C5: variants seen among roughly 807,000 people sequenced by gnomAD.
The protein encoded by C5 is C3 and PZP-like alpha-2-macroglobulin domain-containing protein 4.
Under a neutral mutation model 218.8 loss-of-function variants are expected in C5, and 140 were observed. That is an observed-to-expected ratio of 0.64 (90% CI 0.56 to 0.74). The LOEUF is 0.74. Among genes scored for constraint, C5 ranks in the 30% least tolerant of loss-of-function variants. The pLI, the probability that C5 is intolerant of heterozygous loss-of-function variation, is 0.00. For missense variants in C5, 1,700 were observed against 1,969.6 expected, an observed-to-expected ratio of 0.86 and a Z score of 2.59; for synonymous variants, 614 against 682.3, an observed-to-expected ratio of 0.90 and a Z score of 1.56.
chr9:121,020,039 A>G lies in C5; in HGVS notation c.1443T>C (p.His481=), dbSNP rs753751337. 6.2e-7 allele frequency: 1 copy of G among 1,612,740 alleles called. No individual in the cohort carries two copies. Among genetic ancestry groups the G allele is most frequent in the Non-Finnish European group, 8.5e-7 (1 of 1,178,840 alleles). Residue 481 remains histidine, a synonymous_variant, in exon 12 of 41, where the codon CAT becomes CAC. Coordinates refer to ENST00000223642, the MANE Select transcript of C5 (RefSeq NM_001735.3). ...TTTTGGGGGTAACAATAATATTCAG[A>G]TGTTCTCCCACTAGCAAAGCCTTAT... ...DNHKALLVGE[H]LNIIVTPKSP... is the part of the protein sequence containing the mutation.
At chr9:120,999,958 C>T in intron 20 of C5, 1 of 443,946 alleles carries the variant, frequency 2.3e-6, no homozygotes, top group Non-Finnish European at 4.5e-6. Context: ...ACTTGGGAGG[C>T]TGAGGCAGGA....
At chr9:121,037,992 C>A in intron 3 of C5, 41 bp from the exon 4 acceptor site, 1 of 925,014 alleles carries the variant, frequency 1.1e-6, no homozygotes, top group Non-Finnish European at 1.7e-6. Flanking sequence ...CTGCTAAAAA[C>A]AAGGATATTT....
intron 2 of C5, among the ~76,000 whole-genome samples, chr9:121,043,763 G>A (rs940620544): frequency 2.8e-5 from 4 of 144,504 alleles, no homozygotes; most frequent in Non-Finnish European, 6.0e-5. Context: ...GGCCAGGCTG[G>A]TCCTGAACTC....
chr9:121,002,248 A>ATATG, intron 20 of C5, among the ~76,000 whole-genome samples: 1 of 42,198 alleles, frequency 2.4e-5, no homozygotes, highest in African/African-American at 5.9e-5. Context: ...GTATATGTAT[A>ATATG]TATATGTATA....
chr9:120,993,485 T>G (rs1039064187), intron 22 of C5, among the ~76,000 whole-genome samples: 40 of 152,326 alleles, frequency 2.6e-4, no homozygotes, highest in African/African-American at 9.1e-4. Flanking sequence ...TGCAGTGGCG[T>G]GATCTTGGCT....
chr9:120,981,744 AAAG>A (rs2046995199), intron 27 of C5, 97 bp downstream of exon 27: 1 of 779,810 alleles, frequency 1.3e-6, no homozygotes, highest in South Asian at 1.5e-5. Context: ...GAAAGAAGGA[AAAG>A]AAGCTTTTGA....
rs1390824515 is a variant in C5, at chr9:121,015,193, C to G, written c.2059+6G>C. On this transcript the variant is annotated splice_donor_region_variant and intron_variant, in intron 16 of 40. Transcript: ENST00000223642. ...CCTTTTTACAATCACATGAATCTTA[C>G]AGTACCTATTTCTTCTATCTTCTTT... 2.5e-6 allele frequency: 4 copies of G among 1,576,940 alleles called. 1 individual carries two copies. The South Asian group carries it at 4.4e-5, about 17-fold the overall frequency.
In C5 at chr9:121,030,459, C is replaced by A. The variant is rs1479548278; in HGVS notation, c.696G>T (p.Glu232Asp). Residue 232 changes from glutamate (E) to aspartate (D), a missense_variant, in exon 7 of 41, where the codon GAG (glutamate) becomes GAT (aspartate). Transcript: ENST00000223642. ...TGTAACCAATGAAATTATATTCTGG[C>A]TCGATTGAGACAGAAAAATGTGGCA... ...YVLPHFSVSI[E>D]PEYNFIGYKN... is the part of the protein sequence containing the mutation. 1.3e-6 allele frequency: 2 copies of A among 1,548,702 alleles called. No homozygotes were observed. Among genetic ancestry groups the A allele is most frequent in the Admixed American group, 3.9e-5 (2 of 51,804 alleles).
chr9:121,028,083 A>G (rs530836774), intron 7 of C5, among the ~76,000 whole-genome samples: 146 of 152,372 alleles, frequency 9.6e-4, no homozygotes, highest in African/African-American at 3.4e-3. Flanking sequence ...GCTAACAGAC[A>G]CATGAAAAAA....
chr9:121,007,053 G>T, intron 18 of C5, 76 bp from the exon 19 acceptor site: 2 of 1,171,956 alleles, frequency 1.7e-6, no homozygotes, highest in East Asian at 2.4e-5. Context: ...TCCATTAACA[G>T]AATTTTTGCT....
chr9:121,036,563 T>G (rs2047526620), intron 4 of C5, among the ~76,000 whole-genome samples: 1 of 152,084 alleles, frequency 6.6e-6, no homozygotes, highest in Non-Finnish European at 1.5e-5. Flanking sequence ...TCAGTTTATT[T>G]ACTAGCTTCA....
the C5 span, among the ~76,000 whole-genome samples, chr9:121,057,096 G>GA: frequency 6.6e-6 from 1 of 152,074 alleles, no homozygotes; most frequent in Admixed American, 6.5e-5. Flanking sequence ...CTGAGGAAAA[G>GA]AAACATCCAA....
At chr9:121,065,018 C>A in the C5 span, among the ~76,000 whole-genome samples, 51 of 152,106 alleles carry the variant, frequency 3.4e-4, no homozygotes, top group Non-Finnish European at 5.3e-4. Flanking sequence ...TGCAGTAGGC[C>A]AAGATTGTGC....
the C5 span, among the ~76,000 whole-genome samples, chr9:121,069,879 G>C: frequency 6.6e-6 from 1 of 152,076 alleles, no homozygotes. Flanking sequence ...AGAACAGTGT[G>C]GAAGTTCCTC....
chr9:121,002,356 A>G (rs2047180203), intron 20 of C5, among the ~76,000 whole-genome samples: 1 of 143,268 alleles, frequency 7.0e-6, no homozygotes, highest in East Asian at 2.0e-4. Context: ...ACATACCTAC[A>G]CAAGCCGATT....
intron 1 of C5, among the ~76,000 whole-genome samples, chr9:121,048,114 T>C (rs2047643248): frequency 6.6e-6 from 1 of 152,220 alleles, no homozygotes; most frequent in Non-Finnish European, 1.5e-5. Context: ...TTTCAACTGT[T>C]GTACTAAATG....
At chr9:121,041,573 G>T (rs2047581819) in intron 3 of C5, among the ~76,000 whole-genome samples, 1 of 152,066 alleles carries the variant, frequency 6.6e-6, no homozygotes, top group South Asian at 2.1e-4. Flanking sequence ...AAAATGCTGG[G>T]ATTACAGGCA....
intron 39 of C5, among the ~76,000 whole-genome samples, chr9:120,955,672 C>T (rs1045028098): frequency 9.2e-5 from 14 of 152,006 alleles, no homozygotes; most frequent in African/African-American, 3.4e-4. Flanking sequence ...AAATAAGTTT[C>T]ATACAATGAA....
chr9:120,963,443 T>C (rs898948219), intron 34 of C5, among the ~76,000 whole-genome samples, 193 bp downstream of exon 34: 4 of 151,586 alleles, frequency 2.6e-5, no homozygotes, highest in Admixed American at 1.3e-4. Flanking sequence ...AGAGGTGCGG[T>C]TGCAATGAGC....
Sources: gnomAD v4.1 joint callset for allele counts (sites outside exome capture counted in the v4.1 genomes callset) on GRCh38, gnomAD v4.1.1 for gene constraint, MANE v1.5 for transcripts, NCBI Gene and HGNC (gene_info 2026-07-23, HGNC 2026-07-21) for gene names.